IRAK4: variants seen among roughly 807,000 people sequenced by gnomAD.
IRAK4 encodes the protein interleukin 1 receptor associated kinase 4.
A neutral mutation model predicts 51.8 loss-of-function variants in IRAK4; 44 were observed. The ratio of observed to expected loss-of-function variants is 0.85; its 90% CI spans 0.67 to 1.09. IRAK4 has a LOEUF of 1.09. IRAK4 is among the 50% of genes least tolerant of loss of function. The probability of loss-of-function intolerance (pLI) is 0.00; values close to 1 mark genes in which losing one functional copy is unlikely to be tolerated. For synonymous variants in IRAK4, 149 were observed against 174.1 expected, an observed-to-expected ratio of 0.86 and a Z score of 1.13; for missense variants, 487 against 538.0, an observed-to-expected ratio of 0.91 and a Z score of 0.94.
intron 9 of IRAK4, among the ~76,000 whole-genome samples, chr12:43,782,879 G>T (rs1941901040): frequency 6.6e-6 from 1 of 152,112 alleles, no homozygotes; most frequent in South Asian, 2.1e-4. Flanking sequence ...GAAGCCGGGG[G>T]CTTTTTCTTC....
intron 10 of IRAK4, among the ~76,000 whole-genome samples, chr12:43,785,567 G>A (rs1942133107): frequency 6.6e-6 from 1 of 150,856 alleles, no homozygotes; most frequent in African/African-American, 2.4e-5. Context: ...AGGCAAATGG[G>A]TGGAAGTATC....
chr12:43,789,273 A>G lies in IRAK4; in HGVS notation c.*2558A>G, dbSNP rs962588846. ...ACTGGTGATGAGTGAGTTCTCACTC[A>G]GTTCGTGTGAGATCTGGTGGCTTAA... On this transcript the variant is annotated 3_prime_UTR_variant, in exon 12 of 12. Coordinates refer to ENST00000613694, the MANE Select transcript of IRAK4 (RefSeq NM_016123.4). 6.6e-6 allele frequency: 1 copy of G among 152,168 alleles called. No individual in the cohort carries two copies. Among genetic ancestry groups the G allele is most frequent in the African/African-American group, 2.4e-5 (1 of 41,420 alleles). The allele number at this position is 152,168 out of a possible 1,614,324, so 9.4% of individuals were successfully genotyped here.
Position 43,768,203 on chromosome 12 carries a change from G to A in IRAK4, c.92G>A (p.Gly31Glu), listed in dbSNP as rs1187447576. ...KLSDFIDPQE[G>E]WKKLAVAIKK... is the part of the protein sequence containing the mutation. ...TCAGATTTTATTGATCCTCAAGAAG[G>A]ATGGAAGAAGTTAGCTGTAGCTATT... Residue 31 changes from glycine to glutamate, a missense_variant, in exon 2 of 12, where the codon GGA (glycine) becomes GAA (glutamate). Transcript: ENST00000613694. 2 of 1,613,454 alleles carry A rather than the reference G, an allele frequency of 1.2e-6. No individual in the cohort carries two copies. Among genetic ancestry groups the A allele is most frequent in the Admixed American group, 1.7e-5 (1 of 59,962 alleles).
rs1437090337 is a variant in IRAK4 at position 43,789,104 on chromosome 12, C to A, written c.*2389C>A. 1 of 152,010 alleles carries A rather than the reference C, an allele frequency of 6.6e-6. No individual in the cohort carries two copies. The highest frequency in any genetic ancestry group is 2.1e-4 in the South Asian group (1 of 4,820). 9.4% of individuals were successfully genotyped at this position (152,010 alleles called of 1,614,324 possible). On this transcript the variant is annotated 3_prime_UTR_variant, in exon 12 of 12. Coordinates refer to ENST00000613694, the MANE Select transcript of IRAK4 (RefSeq NM_016123.4). ...TGAGAAAGACATTAGATTTGGGGGG[C>A]TGGGGGTAGAATGACATTGTTTAGA...
chr12:43,781,726 A>C (rs1941793886), intron 8 of IRAK4, among the ~76,000 whole-genome samples: 1 of 152,248 alleles, frequency 6.6e-6, no homozygotes, highest in South Asian at 2.1e-4. Flanking sequence ...AGTGAGCTTA[A>C]ATACTACACA....
chr12:43,782,385 CCAGA>C lies in IRAK4; in HGVS notation c.1024_1027del (p.Thr342SerfsTer2). On this transcript the variant is annotated frameshift_variant, in exon 9 of 12. Transcript: ENST00000613694. LOFTEE classifies it high-confidence loss of function. ...TTGCACGGGCTTCTGAGAAGTTTGC[CCAGA>C]CAGTCATGACTAGCAGAATTGTGGG... 6.2e-7 allele frequency: 1 copy of C among 1,613,596 alleles called. No homozygotes were observed. The highest frequency in any genetic ancestry group is 8.5e-7 in the Non-Finnish European group (1 of 1,179,648).
chr12:43,772,210 C>A lies in IRAK4; in HGVS notation c.338C>A (p.Pro113His). Residue 113 changes from proline (P) to histidine (H), a missense_variant, in exon 4 of 12, where the codon CCT becomes CAT. Pro to His is a moderately conservative substitution (Grantham distance 77). Coordinates refer to ENST00000613694, the MANE Select transcript of IRAK4 (RefSeq NM_016123.4). ...GTTCCCAAAACTGCTAATACACTAC[C>A]TTCTAAAGAAGCTATAACAGTTCAG... is the stretch of plus-strand genomic sequence containing the variant. ...DAVPKTANTL[P>H]SKEAITVQQK... 6.2e-7 allele frequency: 1 copy of A among 1,613,604 alleles called. No individual in the cohort carries two copies. Among genetic ancestry groups the A allele is most frequent in the South Asian group, 1.1e-5 (1 of 91,080 alleles).
In IRAK4 at chr12:43,788,856, A is replaced by C. The variant is rs956596544; in HGVS notation, c.*2141A>C. 1.3e-5 allele frequency: 2 copies of C among 152,052 alleles called. No homozygotes were observed. The highest frequency in any genetic ancestry group is 4.8e-5 in the African/African-American group (2 of 41,384). The allele number at this position is 152,052 out of a possible 1,614,324, so 9.4% of individuals were successfully genotyped here. A position where few individuals can be genotyped will look rare whatever the true frequency, so the allele number is the denominator to read the frequency against. On this transcript the variant is annotated 3_prime_UTR_variant, in exon 12 of 12. Coordinates refer to ENST00000613694, the MANE Select transcript of IRAK4 (RefSeq NM_016123.4). ...CCAGCTGGGTTTCAGACTTGCCAGG[A>C]TCCTGTTGCCCCTTTCTTTAGCCAA...
intron 1 of IRAK4, among the ~76,000 whole-genome samples, chr12:43,760,748 C>T (rs1022329702): frequency 6.6e-6 from 1 of 152,182 alleles, no homozygotes; most frequent in African/African-American, 2.4e-5. Flanking sequence ...TTTATAATTA[C>T]AACCTTTTCT....
At chr12:43,772,392 G>A in intron 4 of IRAK4, 30 bp downstream of exon 4, 1 of 1,585,614 alleles carries the variant, frequency 6.3e-7, no homozygotes. Context: ...CTTTCCACTA[G>A]GGATTTGTCA....
At chr12:43,776,760 T>A (rs1454963365) in intron 6 of IRAK4, among the ~76,000 whole-genome samples, 1 of 152,252 alleles carries the variant, frequency 6.6e-6, no homozygotes, top group Non-Finnish European at 1.5e-5. Flanking sequence ...TCTTTCGTCT[T>A]ACCACAGATG....
intron 2 of IRAK4, among the ~76,000 whole-genome samples, chr12:43,768,941 T>C (rs1358221991): frequency 1.3e-5 from 2 of 152,222 alleles, no homozygotes; most frequent in African/African-American, 4.8e-5. Flanking sequence ...ATTTTCAGCA[T>C]TAATCTGGGA....
chr12:43,778,567 G>A (rs1490240289), intron 8 of IRAK4, among the ~76,000 whole-genome samples: 3 of 152,108 alleles, frequency 2.0e-5, no homozygotes, highest in Non-Finnish European at 4.4e-5. Flanking sequence ...TTGCCTTATG[G>A]AAATTAGTTG....
rs774384959 is a variant in IRAK4 at position 43,783,642 on chromosome 12, G to T, written c.1126-20G>T. ...AGCCTATCTTGTGTATTATATTAAT[G>T]ATTTTTTTTGTCTTCATAGGTTTTA... On this transcript the variant is annotated intron_variant, in intron 9 of 11. Coordinates refer to ENST00000613694, the MANE Select transcript of IRAK4 (RefSeq NM_016123.4). 1.3e-6 allele frequency: 2 copies of T among 1,523,704 alleles called. No homozygotes were observed. Among genetic ancestry groups the T allele is most frequent in the Non-Finnish European group, 1.8e-6 (2 of 1,101,492 alleles). 94.4% of individuals were successfully genotyped at this position (1,523,704 alleles called of 1,614,324 possible).
rs1333654771 is a variant in IRAK4, at chr12:43,773,964, GA to G, written c.652del (p.Met218TrpfsTer9). The G allele has an allele frequency of 1.3e-6, 2 of 1,588,946 alleles. No homozygotes were observed. Among genetic ancestry groups the G allele is most frequent in the Admixed American group, 1.7e-5 (1 of 59,966 alleles). On this transcript the variant is annotated frameshift_variant and splice_region_variant, in exon 6 of 12. Transcript: ENST00000613694. LOFTEE classifies it high-confidence loss of function. The stretch of plus-strand genomic sequence containing the variant: ...TTACATTGTATATTTTATTTTTTCA[GA>G]TGGTTGACATTACTACTGAAGAACT... ...TTVAVKKLAAMVDITTEELKQ... is the reference protein window; with the variant it reads ...TTVAVKKLAAXVDITTEELKQ...
In IRAK4 at chr12:43,770,856, G is replaced by A. The variant is rs547243230; in HGVS notation, c.162-364G>A. On this transcript the variant is annotated intron_variant, in intron 2 of 11. Coordinates refer to ENST00000613694, the MANE Select transcript of IRAK4 (RefSeq NM_016123.4). ...CCTTTAAAGGGTAGTTAGGCCATGA[G>A]AGCTTTGCCCTTATGAGTGGATTAA... is the stretch of plus-strand genomic sequence containing the variant. 1.4e-3 allele frequency among the ~76,000 whole-genome samples: 210 copies of A among 152,308 alleles called. 2 individuals are homozygous for A. The highest frequency in any genetic ancestry group is 4.8e-3 in the African/African-American group (200 of 41,564).
Position 43,786,516 on chromosome 12 carries a change from T to C in IRAK4, c.1306T>C (p.Cys436Arg), listed in dbSNP as rs770908857. 2.5e-6 allele frequency: 4 copies of C among 1,613,562 alleles called. No individual in the cohort carries two copies. The highest frequency in any genetic ancestry group is 4.5e-5 in the East Asian group (2 of 44,786). Reference protein sequence around the residue: ...VEAMYSVASQCLHEKKNKRPD... With the variant: ...VEAMYSVASQRLHEKKNKRPD... ...AGCTATGTACTCTGTTGCTAGTCAA[T>C]GTCTGCATGAAAAGAAAAATAAGAG... is the stretch of plus-strand genomic sequence containing the variant. Residue 436 changes from cysteine to arginine, a missense_variant, in exon 11 of 12, where the codon TGT becomes CGT. By Grantham distance (180) the Cys-to-Arg change is radical. Transcript: ENST00000613694.
rs769470855 is a variant in IRAK4, at chr12:43,777,662, G to A, written c.749G>A (p.Gly250Asp). Residue 250 changes from glycine (G) to aspartate (D), a missense_variant, in exon 7 of 12, where the codon GGT becomes GAT. By Grantham distance (94) the Gly-to-Asp change is moderately conservative. Transcript: ENST00000613694. The part of the protein sequence containing the change: ...CQHENLVELL[G>D]FSSDGDDLCL... Reference sequence around the variant, plus strand: ...CATGAAAACTTAGTAGAACTACTTGGTTTCTCAAGTGATGGAGATGACCTC... The same window carrying A: ...CATGAAAACTTAGTAGAACTACTTGATTTCTCAAGTGATGGAGATGACCTC... 3.2e-5 allele frequency: 52 copies of A among 1,609,734 alleles called. No individual in the cohort carries two copies. Among genetic ancestry groups the A allele is most frequent in the Non-Finnish European group, 3.3e-5 (39 of 1,177,948 alleles).
intron 3 of IRAK4, 75 bp from the exon 4 acceptor site, chr12:43,772,105 C>A: frequency 1.7e-6 from 2 of 1,172,574 alleles, no homozygotes; most frequent in East Asian, 2.4e-5. Flanking sequence ...TTAAATGAAC[C>A]AAGTTTCTAG....
Sources: allele counts gnomAD v4.1 joint callset (sites outside exome capture counted in the v4.1 genomes callset), GRCh38; gene constraint gnomAD v4.1.1; transcripts MANE v1.5; gene names NCBI Gene and HGNC (gene_info 2026-07-23, HGNC 2026-07-21).